PCDHGA6: variants seen among roughly 807,000 people sequenced by gnomAD.
PCDHGA6 encodes the protein protocadherin gamma-A6.
Under a neutral mutation model 60.6 loss-of-function variants are expected in PCDHGA6, and 41 were observed. The ratio of observed to expected loss-of-function variants is 0.68; its 90% CI spans 0.53 to 0.88. The LOEUF is 0.88. PCDHGA6 is among the 40% of genes least tolerant of loss of function. PCDHGA6 has a pLI of 0.00. For missense variants in PCDHGA6, 1,312 were observed against 1,203.0 expected (o/e 1.09, Z -1.34); for synonymous variants, 594 against 524.4 (o/e 1.13, Z -1.81).
At chr5:141,460,150 T>G (rs1169568683) in intron 1 of PCDHGA6, among the ~76,000 whole-genome samples, 1 of 152,106 alleles carries the variant, frequency 6.6e-6, no homozygotes, top group East Asian at 1.9e-4. Context: ...ATGTGAGCTC[T>G]TTGTCACATA....
chr5:141,375,644 G>C lies in PCDHGA6; in HGVS notation c.1561G>C (p.Asp521His). The change falls in exon 1 of 4, where the codon GAC becomes CAC. Residue 521 changes from aspartate to histidine, a missense_variant. Physicochemically the swap from Asp to His is moderately conservative, Grantham distance 81. Coordinates refer to ENST00000517434, the MANE Select transcript of PCDHGA6 (RefSeq NM_018919.3). ...TGILYALRSF[D>H]YEQLRDLQLW... ...GATTCTGTACGCCCTGCGCTCCTTC[G>C]ACTATGAGCAGTTGAGAGACCTACA... The C allele has an allele frequency of 6.2e-7, 1 of 1,614,180 alleles. No homozygotes were observed. Among genetic ancestry groups the C allele is most frequent in the Non-Finnish European group, 8.5e-7 (1 of 1,180,012 alleles).
chr5:141,439,042 A>C (rs2098084096), intron 1 of PCDHGA6, among the ~76,000 whole-genome samples: 1 of 151,642 alleles, frequency 6.6e-6, no homozygotes, highest in Non-Finnish European at 1.5e-5. Context: ...TCAGTTCATA[A>C]GATTTCCATA....
intron 3 of PCDHGA6, among the ~76,000 whole-genome samples, chr5:141,505,765 T>C (rs970212345): frequency 5.3e-5 from 8 of 151,922 alleles, no homozygotes; most frequent in African/African-American, 1.9e-4. Flanking sequence ...ACAGTGTAGC[T>C]CAGGTCCTAG....
At chr5:141,451,776 G>C (rs1279891846) in intron 1 of PCDHGA6, among the ~76,000 whole-genome samples, 1 of 152,078 alleles carries the variant, frequency 6.6e-6, no homozygotes, top group Non-Finnish European at 1.5e-5. Flanking sequence ...AGCTACTCAG[G>C]AGGCTGAGGC....
intron 1 of PCDHGA6, chr5:141,479,468 T>C (rs1473966646): frequency 1.3e-5 from 2 of 152,248 alleles, no homozygotes; most frequent in African/African-American, 4.8e-5. Context: ...TACAGTGACC[T>C]CTTGGGAGGG....
chr5:141,481,871 G>T (rs372191396), intron 1 of PCDHGA6, among the ~76,000 whole-genome samples: 1 of 144,788 alleles, frequency 6.9e-6, no homozygotes, highest in Non-Finnish European at 1.5e-5. Context: ...CCGAGATCGC[G>T]CCACTGCACT....
rs1316573600 is a variant in PCDHGA6 at position 141,490,443 on chromosome 5, G to A, written c.2425-4364G>A. The A allele has an allele frequency of 1.2e-6, 2 of 1,614,174 alleles. No individual in the cohort carries two copies. Among genetic ancestry groups the A allele is most frequent in the Non-Finnish European group, 8.5e-7 (1 of 1,180,042 alleles). On this transcript the variant is annotated intron_variant, in intron 1 of 3. Coordinates refer to ENST00000517434, the MANE Select transcript of PCDHGA6 (RefSeq NM_018919.3). The surrounding 1 kb of genome is among the most constrained non-coding windows in gnomAD (Gnocchi z 5.4). ...TGCCATTTCAGATTAAGCCTTCTGA[G>A]AACCACTACTCGCTGCTAACCAGCC...
intron 1 of PCDHGA6, chr5:141,441,917 A>G (rs979307331): frequency 3.1e-5 from 11 of 352,364 alleles, no homozygotes; most frequent in African/African-American, 2.0e-4. Context: ...GATGTGAGAC[A>G]CAATGCGTGG....
At chr5:141,435,004 A>G (rs1481428383) in intron 1 of PCDHGA6, among the ~76,000 whole-genome samples, 1 of 152,096 alleles carries the variant, frequency 6.6e-6, no homozygotes, top group Non-Finnish European at 1.5e-5. Flanking sequence ...AGCTGAATTT[A>G]TCAATGATAA....
rs1770434456 is a variant in PCDHGA6 at position 141,374,376 on chromosome 5, A to G, written c.293A>G (p.Gln98Arg). Residue 98 changes from glutamine (Q) to arginine (R), a missense_variant, in exon 1 of 4, where the codon CAG becomes CGG. Gln to Arg is a conservative substitution (Grantham distance 43, BLOSUM62 1). Coordinates refer to ENST00000517434, the MANE Select transcript of PCDHGA6 (RefSeq NM_018919.3). ...ATAGACCGCGAGGAGCTCTGTGCTC[A>G]GAGCCCGCGGTGTCTGGTGAGTTTT... ...GRIDREELCA[Q>R]SPRCLVSFNI... 8 of 1,613,952 alleles carry G rather than the reference A, an allele frequency of 5.0e-6. No individual in the cohort carries two copies. Among genetic ancestry groups the G allele is most frequent in the Non-Finnish European group, 6.8e-6 (8 of 1,179,916 alleles).
chr5:141,405,032 G>T lies in PCDHGA6; in HGVS notation c.2424+28525G>T, dbSNP rs747720731. On this transcript the variant is annotated intron_variant, in intron 1 of 3. Coordinates refer to ENST00000517434, the MANE Select transcript of PCDHGA6 (RefSeq NM_018919.3). Reference sequence around the variant, plus strand: ...GGCCTCAGACCTTACCCTCTACCTCGTTGTGGCTGTGGCAGTCGTCTCCTG... The same window carrying T: ...GGCCTCAGACCTTACCCTCTACCTCTTTGTGGCTGTGGCAGTCGTCTCCTG... The T allele has an allele frequency of 1.9e-6, 3 of 1,613,806 alleles. No homozygotes were observed. Among genetic ancestry groups the T allele is most frequent in the Admixed American group, 3.3e-5 (2 of 59,992 alleles).
At chr5:141,465,894 G>A (rs970043849) in intron 1 of PCDHGA6, among the ~76,000 whole-genome samples, 1 of 152,098 alleles carries the variant, frequency 6.6e-6, no homozygotes, top group Non-Finnish European at 1.5e-5. Flanking sequence ...AGGCCGAGGC[G>A]GGCAAATCAC....
Position 141,477,782 on chromosome 5 carries a change from T to G in PCDHGA6, c.2425-17025T>G, listed in dbSNP as rs763675478. 1.2e-5 allele frequency: 20 copies of G among 1,613,902 alleles called. No individual in the cohort carries two copies. Among genetic ancestry groups the G allele is most frequent in the Non-Finnish European group, 1.7e-5 (20 of 1,180,042 alleles). ...AGCCACCAACATCAGCGTGAACATA[T>G]TTGTCACTGATCGCAATGACAATGC... On this transcript the variant is annotated intron_variant, in intron 1 of 3. Coordinates refer to ENST00000517434, the MANE Select transcript of PCDHGA6 (RefSeq NM_018919.3). The surrounding 1 kb of genome is among the most constrained non-coding windows in gnomAD (Gnocchi z 4.9).
intron 1 of PCDHGA6, chr5:141,419,981 AT>A (rs1205154474): frequency 1.2e-6 from 2 of 1,614,052 alleles, no homozygotes; most frequent in Admixed American, 3.3e-5. Flanking sequence ...CCTCGCGGTG[AT>A]TCTAGCTATT....
rs777058727 is a variant in PCDHGA6 at position 141,431,947 on chromosome 5, A to G, written c.2424+55440A>G. 6 of 1,614,052 alleles carry G rather than the reference A, an allele frequency of 3.7e-6. No homozygotes were observed. The highest frequency in any genetic ancestry group is 2.2e-5 in the East Asian group (1 of 44,894). ...GAAATCTGCCCTTTAAATTAGAAAAATCTTACGGAAATTACTATAGTTTAG... is the reference window on the plus strand; with the variant it reads ...GAAATCTGCCCTTTAAATTAGAAAAGTCTTACGGAAATTACTATAGTTTAG... On this transcript the variant is annotated intron_variant, in intron 1 of 3. Transcript: ENST00000517434. This position sits in a 1 kb window ranked among gnomAD's most constrained non-coding sequence, Gnocchi z 4.8.
chr5:141,381,044 T>G (rs745590770), intron 1 of PCDHGA6, among the ~76,000 whole-genome samples: 1 of 152,278 alleles, frequency 6.6e-6, no homozygotes, highest in Admixed American at 6.5e-5. Flanking sequence ...AAAATTTATC[T>G]ACTTTGTGAA....
In PCDHGA6 at chr5:141,418,848, G is replaced by A. The variant is rs770294020; in HGVS notation, c.2424+42341G>A. 20 of 1,613,836 alleles carry A rather than the reference G, an allele frequency of 1.2e-5. No individual in the cohort carries two copies. Among genetic ancestry groups the A allele is most frequent in the South Asian group, 6.6e-5 (6 of 91,080 alleles). ...AAAGACCGAGGATCTCTCTCAACAC[G>A]GTGTAAAGTAATTGTAGAAGTTGTA... On this transcript the variant is annotated intron_variant, in intron 1 of 3. Coordinates refer to ENST00000517434, the MANE Select transcript of PCDHGA6 (RefSeq NM_018919.3).
Position 141,374,089 on chromosome 5 carries a change from G to A in PCDHGA6, c.6G>A (p.Ala2=). 6.5e-7 allele frequency: 1 copy of A among 1,532,432 alleles called. No homozygotes were observed. The highest frequency in any genetic ancestry group is 8.8e-7 in the Non-Finnish European group (1 of 1,140,682). The allele number at this position is 1,532,432 out of a possible 1,614,324, so 94.9% of individuals were successfully genotyped here. The change falls in exon 1 of 4, where the codon GCG becomes GCA. Residue 2 remains alanine (A), a synonymous_variant. Transcript: ENST00000517434. M[A]PPQRHPQRSE... ...AAGTTCCTAATAAGCCAGTAATGGC[G>A]CCTCCGCAGAGGCATCCGCAGCGCA...
chr5:141,510,209 G>T (rs1294961681), intron 3 of PCDHGA6, among the ~76,000 whole-genome samples: 12 of 151,440 alleles, frequency 7.9e-5, no homozygotes, highest in African/African-American at 2.9e-4. Flanking sequence ...GGAGGCAGAG[G>T]TTGCAGTGAG....
Sources: allele counts gnomAD v4.1 joint callset (sites outside exome capture counted in the v4.1 genomes callset), GRCh38; gene constraint gnomAD v4.1.1; non-coding constraint Gnocchi (gnomAD v3.1); transcripts MANE v1.5; gene names NCBI Gene and HGNC (gene_info 2026-07-23, HGNC 2026-07-21).